Variants in CCDC7 observed in about 807,000 individuals in gnomAD.
The protein encoded by CCDC7 is coiled-coil domain-containing protein 7.
A neutral mutation model predicts 196.9 loss-of-function variants in CCDC7; 183 were observed. The observed-to-expected ratio is 0.93, with a 90% CI of 0.82 to 1.05. The LOEUF (loss-of-function observed/expected upper bound fraction) is 1.05, where lower values mean the gene tolerates loss of function less well. Ranked by LOEUF, CCDC7 falls within the 50% of genes least tolerant of loss-of-function variation. The pLI is 0.00. For synonymous variants in CCDC7, 525 were observed against 484.6 expected, an observed-to-expected ratio of 1.08 and a Z score of -1.10; for missense variants, 1,540 against 1,482.2, an observed-to-expected ratio of 1.04 and a Z score of -0.64.
intron 28 of CCDC7, among the ~76,000 whole-genome samples, chr10:32,748,990 A>G (rs1007710290): frequency 6.6e-5 from 10 of 152,198 alleles, no homozygotes; most frequent in African/African-American, 1.7e-4. Context: ...GAAACTCCCT[A>G]TAACTGAGCC....
intron 4 of CCDC7, 56 bp from the exon 6 acceptor site, chr10:32,462,961 A>C (rs2036040447): frequency 1.2e-6 from 2 of 1,602,896 alleles, no homozygotes; most frequent in South Asian, 1.1e-5. Flanking sequence ...TTATTTCATC[A>C]GTGCAATTTA....
intron 13 of CCDC7, among the ~76,000 whole-genome samples, chr10:32,558,289 T>C (rs2054696659): frequency 6.6e-6 from 1 of 152,200 alleles, no homozygotes; most frequent in Admixed American, 6.5e-5. Context: ...TTTTCTTTAA[T>C]ATATAATTAA....
intron 18 of CCDC7, among the ~76,000 whole-genome samples, chr10:32,593,559 C>T (rs1358788682): frequency 6.6e-6 from 1 of 152,130 alleles, no homozygotes; most frequent in African/African-American, 2.4e-5. Context: ...TTAATTAGAT[C>T]CCATTTGTCA....
At chr10:32,590,562 GCTA>G (rs2059691302) in intron 18 of CCDC7, among the ~76,000 whole-genome samples, 1 of 151,868 alleles carries the variant, frequency 6.6e-6, no homozygotes, top group South Asian at 2.1e-4. Flanking sequence ...TTTTCTATCT[GCTA>G]CTACCTGTGA....
chr10:32,762,368 C>T (rs2077591348), intron 28 of CCDC7, among the ~76,000 whole-genome samples: 1 of 151,608 alleles, frequency 6.6e-6, no homozygotes, highest in Non-Finnish European at 1.5e-5. Flanking sequence ...CACACTCTTC[C>T]AGAAGCTGCC....
At chr10:32,635,808 G>A (rs1008921528) in intron 20 of CCDC7, among the ~76,000 whole-genome samples, 1 of 151,082 alleles carries the variant, frequency 6.6e-6, no homozygotes, top group Admixed American at 6.6e-5. Flanking sequence ...GCTCATAGTT[G>A]TATATTTTTC....
chr10:32,486,540 A>G (rs2041130360), intron 8 of CCDC7, among the ~76,000 whole-genome samples: 1 of 76,316 alleles, frequency 1.3e-5, no homozygotes. Context: ...TCATGTCATT[A>G]TGATGTTAGC....
In CCDC7 at chr10:32,559,048, C is replaced by T. The variant is rs80173119; in HGVS notation, c.1135-6510C>T. On this transcript the variant is annotated intron_variant, in intron 13 of 41. Coordinates refer to ENST00000639629, the Ensembl canonical transcript of CCDC7. Reference sequence around the variant, plus strand: ...CATGGCTTGGAGGGTCGTACGCCCACGGAGTCTCGCTGATTGCTAGCACAG... The same window carrying T: ...CATGGCTTGGAGGGTCGTACGCCCATGGAGTCTCGCTGATTGCTAGCACAG... 1.1e-4 allele frequency among the ~76,000 whole-genome samples: 17 copies of T among 152,358 alleles called. No individual in the cohort carries two copies. The South Asian group carries it at 2.1e-3, about 19-fold the overall frequency.
rs113159386 is a variant in CCDC7, at chr10:32,549,154, T to A, written c.1134+4853T>A. On this transcript the variant is annotated intron_variant, in intron 13 of 41. Transcript: ENST00000639629. ...ATTGTGGTTTTGATTTGCATTTCCC[T>A]GATCATTCATGATGTTGAGCATTTT... 4.8e-3 allele frequency among the ~76,000 whole-genome samples: 729 copies of A among 152,340 alleles called. 13 individuals carry two copies. The highest frequency in any genetic ancestry group is 0.017 in the African/African-American group (705 of 41,580).
rs1000555838 is a variant in CCDC7 at position 32,761,256 on chromosome 10, T to G, written c.2906-17721T>G. ...GTTACCACATACCTTGTTTCTTTTG[T>G]TCTTTTCACCTATATTGACCATGTG... is the stretch of plus-strand genomic sequence containing the variant. On this transcript the variant is annotated intron_variant, in intron 28 of 41. Coordinates refer to ENST00000639629, the Ensembl canonical transcript of CCDC7. Among the ~76,000 whole-genome samples the G allele has an allele frequency of 2.6e-5, 4 of 152,002 alleles. No homozygotes were observed. The East Asian group carries it at 7.7e-4, about 29-fold the overall frequency.
At chr10:32,755,452 G>C (rs1025942091) in intron 28 of CCDC7, among the ~76,000 whole-genome samples, 3 of 152,120 alleles carry the variant, frequency 2.0e-5, no homozygotes, top group African/African-American at 7.2e-5. Flanking sequence ...AACATTTGCT[G>C]TTCTGCAGCC....
At chr10:32,649,494 C>T (rs2068346900) in intron 20 of CCDC7, among the ~76,000 whole-genome samples, 1 of 152,058 alleles carries the variant, frequency 6.6e-6, no homozygotes, top group African/African-American at 2.4e-5. Flanking sequence ...TGATTAATTG[C>T]CATAGGAATG....
chr10:32,721,525 A>G (rs1401522149), intron 25 of CCDC7, among the ~76,000 whole-genome samples: 3 of 152,134 alleles, frequency 2.0e-5, no homozygotes, highest in Admixed American at 1.3e-4. Context: ...CTGGTAACAT[A>G]ATATATGGGT....
At chr10:32,837,562 A>C (rs542500228) in intron 33 of CCDC7, among the ~76,000 whole-genome samples, 54 of 152,280 alleles carry the variant, frequency 3.5e-4, no homozygotes, top group African/African-American at 1.2e-3. Context: ...TGACCCAGCC[A>C]TCCCATTACT....
intron 21 of CCDC7, 42 bp from the exon 23 acceptor site, chr10:32,685,928 C>A (rs1374009841): frequency 1.9e-6 from 2 of 1,045,334 alleles, no homozygotes; most frequent in Non-Finnish European, 2.7e-6. Context: ...ACAAAAGATC[C>A]ATTTTTCTAT....
chr10:32,750,799 C>T (rs1288314266), intron 28 of CCDC7, among the ~76,000 whole-genome samples: 1 of 152,158 alleles, frequency 6.6e-6, no homozygotes, highest in Non-Finnish European at 1.5e-5. Context: ...AATATTCTCA[C>T]ATTGTTTATC....
chr10:32,557,666 A>G (rs1371509431), intron 13 of CCDC7, among the ~76,000 whole-genome samples: 3 of 151,982 alleles, frequency 2.0e-5, no homozygotes, highest in Admixed American at 2.0e-4. Context: ...AGATATTATG[A>G]TTTTCAGTTC....
chr10:32,878,414 G>T (rs147504381), downstream of CCDC7, among the ~76,000 whole-genome samples: 5 of 152,132 alleles, frequency 3.3e-5, no homozygotes, highest in African/African-American at 4.8e-5. Context: ...ACTAAAAATA[G>T]CTCCTTGGAG....
intron 29 of CCDC7, among the ~76,000 whole-genome samples, chr10:32,782,906 G>T (rs1018005398): frequency 6.6e-6 from 1 of 152,220 alleles, no homozygotes; most frequent in Non-Finnish European, 1.5e-5. Flanking sequence ...TAAGAAGGCA[G>T]TCTTTCCACA....
Sources: gnomAD v4.1 joint callset for allele counts (sites outside exome capture counted in the v4.1 genomes callset) on GRCh38, gnomAD v4.1.1 for gene constraint, MANE v1.5 for transcripts, NCBI Gene and HGNC (gene_info 2026-07-23, HGNC 2026-07-21) for gene names.